The following ZMYM6 variants were observed in gnomAD, a reference collection of about 807,000 sequenced individuals.
The protein encoded by ZMYM6 is zinc finger MYM-type protein 6.
ZMYM6 carries 90 observed loss-of-function variants against 134.0 expected under a neutral mutation model. That is an observed-to-expected ratio of 0.67 (90% confidence interval 0.57 to 0.80). ZMYM6 has a LOEUF of 0.80. ZMYM6 is among the 30% of genes least tolerant of loss of function. The pLI is 0.00. For missense variants in ZMYM6, 1,362 were observed against 1,533.9 expected, an observed-to-expected ratio of 0.89 and a Z score of 1.87; for synonymous variants, 481 against 524.1, an observed-to-expected ratio of 0.92 and a Z score of 1.12.
intron 2 of ZMYM6, among the ~76,000 whole-genome samples, chr1:35,025,200 C>T (rs1451603704): frequency 1.3e-5 from 2 of 151,186 alleles, no homozygotes; most frequent in East Asian, 4.0e-4. Flanking sequence ...AAAGGTGGCA[C>T]AGGCCAGGCA....
At chr1:34,996,777 C>G (rs1280709376) in intron 14 of ZMYM6, among the ~76,000 whole-genome samples, 1 of 152,178 alleles carries the variant, frequency 6.6e-6, no homozygotes, top group African/African-American at 2.4e-5. Flanking sequence ...CTGTGTATGC[C>G]TGCACAGCAA....
rs115025845 is a variant in ZMYM6, at chr1:34,994,324, G to A, written c.1993-1937C>T. ...CAGGAATGGAGAGTGATGGCATGGA[G>A]GAGGGGCAATTCTGAAGTAAACATC... On this transcript the variant is annotated intron_variant, in intron 14 of 15. Transcript: ENST00000357182. Among the ~76,000 whole-genome samples, 256 of 152,298 alleles carry A rather than the reference G, an allele frequency of 1.7e-3. 3 individuals carry two copies. Among genetic ancestry groups the A allele is most frequent in the African/African-American group, 5.8e-3 (241 of 41,568 alleles).
Position 35,030,650 on chromosome 1 carries a change from T to C in ZMYM6, c.-11A>G, listed in dbSNP as rs777472358. The C allele has an allele frequency of 2.5e-6, 4 of 1,611,310 alleles. No homozygotes were observed. In the South Asian group the frequency reaches 3.3e-5, roughly 13 times the overall value. The stretch of plus-strand genomic sequence containing the variant: ...CAAAGGTTCTTTCATTCTAATTTTT[T>C]ACCTCAAAGAGTGTCTCAGGCTCAA... On this transcript the variant is annotated 5_prime_UTR_variant, in exon 2 of 16. It removes the in-frame stop codon of an upstream open reading frame in the 5' UTR. Transcript: ENST00000357182.
rs530040924 is a variant in ZMYM6, at chr1:35,014,527, A to G, written c.795+170T>C. On this transcript the variant is annotated intron_variant, in intron 6 of 15. Transcript: ENST00000357182. Reference sequence around the variant, plus strand: ...GGACCTATTTTACCTATATCAACTTACCACCACAATCATCCCTCACACCAT... The same window carrying G: ...GGACCTATTTTACCTATATCAACTTGCCACCACAATCATCCCTCACACCAT... 2.6e-3 allele frequency among the ~76,000 whole-genome samples: 399 copies of G among 152,296 alleles called. 1 individual carries two copies. Among genetic ancestry groups the G allele is most frequent in the Non-Finnish European group, 4.7e-3 (319 of 68,022 alleles).
At chr1:35,024,382 C>T (rs917263842) in intron 2 of ZMYM6, among the ~76,000 whole-genome samples, 3 of 152,120 alleles carry the variant, frequency 2.0e-5, no homozygotes, top group African/African-American at 7.2e-5. Context: ...ATCTCAAATC[C>T]CAGATTTTTA....
Position 35,008,887 on chromosome 1 carries a change from T to A in ZMYM6, c.1530A>T (p.Arg510=). The A allele has an allele frequency of 6.2e-7, 1 of 1,613,526 alleles. No individual in the cohort carries two copies. The highest frequency in any genetic ancestry group is 8.5e-7 in the Non-Finnish European group (1 of 1,179,826). The part of the protein sequence containing the change: ...KFLSARDFGE[R]WGNYCKMCSY... ...TGCACATCTTACAGTAGTTTCCCCA[T>A]CGTTCTCCAAAGTCACGGGCAGAGA... is the stretch of plus-strand genomic sequence containing the variant. Residue 510 remains arginine, a synonymous_variant, in exon 11 of 16, where the codon CGA becomes CGT. Coordinates refer to ENST00000357182, the MANE Select transcript of ZMYM6 (RefSeq NM_007167.4).
intron 13 of ZMYM6, 117 bp downstream of exon 13, chr1:35,005,015 G>A (rs896552419): frequency 1.2e-5 from 15 of 1,213,056 alleles, no homozygotes; most frequent in Admixed American, 4.4e-5. Flanking sequence ...TTGAGATCAC[G>A]CCATTGCACT....
chr1:34,992,695 TA>T (rs1261504697), intron 14 of ZMYM6, among the ~76,000 whole-genome samples: 1 of 139,630 alleles, frequency 7.2e-6, no homozygotes, highest in African/African-American at 2.8e-5. Context: ...AATATAAAAA[TA>T]AAAATATACT....
chr1:35,027,041 T>C (rs1641427154), intron 2 of ZMYM6, among the ~76,000 whole-genome samples: 1 of 152,184 alleles, frequency 6.6e-6, no homozygotes, highest in South Asian at 2.1e-4. Context: ...CTCATTCTAC[T>C]TGTGAGTGAG....
chr1:35,019,197 G>A, intron 4 of ZMYM6, 156 bp downstream of exon 4: 2 of 1,112,014 alleles, frequency 1.8e-6, no homozygotes, highest in Non-Finnish European at 2.5e-6. Flanking sequence ...ATTTAATGTT[G>A]CAAAACTTTA....
chr1:34,995,132 T>TAC (rs1225310784), intron 14 of ZMYM6, among the ~76,000 whole-genome samples: 1 of 147,416 alleles, frequency 6.8e-6, no homozygotes, highest in Admixed American at 6.9e-5. Context: ...CATATACATA[T>TAC]ATACACACAC....
intron 1 of ZMYM6, among the ~76,000 whole-genome samples, chr1:35,030,944 A>C (rs947973216): frequency 4.6e-5 from 7 of 152,102 alleles, no homozygotes; most frequent in Admixed American, 3.9e-4. Context: ...GACACACAAC[A>C]CACTCTGGTT....
At chr1:35,007,363 G>C (rs565727712) in intron 11 of ZMYM6, among the ~76,000 whole-genome samples, 1 of 151,990 alleles carries the variant, frequency 6.6e-6, no homozygotes, top group Non-Finnish European at 1.5e-5. Flanking sequence ...GGCCGAGGTG[G>C]GCGGATCATG....
At chr1:35,027,448 A>T (rs563021879) in intron 2 of ZMYM6, among the ~76,000 whole-genome samples, 2 of 152,302 alleles carry the variant, frequency 1.3e-5, no homozygotes, top group South Asian at 4.2e-4. Flanking sequence ...TAAAAGTCCA[A>T]ATGAAAAATA....
chr1:35,003,852 G>A, intron 14 of ZMYM6, 116 bp downstream of exon 14: 1 of 875,816 alleles, frequency 1.1e-6, no homozygotes, highest in Non-Finnish European at 1.8e-6. Context: ...CTAGATTAAT[G>A]ACTAGGACCC....
At chr1:35,016,749 T>C (rs756010183) in intron 4 of ZMYM6, among the ~76,000 whole-genome samples, 24 of 152,272 alleles carry the variant, frequency 1.6e-4, no homozygotes, top group African/African-American at 4.3e-4. Flanking sequence ...GGCAGAAGGA[T>C]TGCTTGAGCC....
At chr1:35,005,629 C>CAAAAAAAAAAAAA (rs1182722333) in intron 12 of ZMYM6, among the ~76,000 whole-genome samples, 1 of 59,296 alleles carries the variant, frequency 1.7e-5, no homozygotes. Context: ...AACCTAGTCT[C>CAAAAAAAAAAAAA]AAAAAAAAAA....
chr1:35,009,460 G>A (rs1243902294), intron 10 of ZMYM6, among the ~76,000 whole-genome samples: 3 of 150,468 alleles, frequency 2.0e-5, no homozygotes, highest in Non-Finnish European at 4.4e-5. Context: ...AAACATTAGA[G>A]GTATAAAAGT....
At chr1:35,026,504 G>A (rs1641417567) in intron 2 of ZMYM6, among the ~76,000 whole-genome samples, 1 of 152,006 alleles carries the variant, frequency 6.6e-6, no homozygotes. Context: ...AAAAAATATA[G>A]CCTATTCACC....
Sources: gnomAD v4.1 joint callset for allele counts (sites outside exome capture counted in the v4.1 genomes callset) on GRCh38, gnomAD v4.1.1 for gene constraint, MANE v1.5 for transcripts, NCBI Gene and HGNC (gene_info 2026-07-23, HGNC 2026-07-21) for gene names.